Variants in FAT3 observed in about 807,000 individuals in gnomAD.
FAT3 encodes FAT atypical cadherin 3.
FAT3 carries 95 observed loss-of-function variants against 310.2 expected under a neutral mutation model. The observed-to-expected ratio is 0.31, with a 90% CI of 0.26 to 0.36. The LOEUF is 0.36. Among genes scored for constraint, FAT3 ranks in the 10% least tolerant of loss-of-function variants. The probability of loss-of-function intolerance (pLI) is 1.00; values close to 1 mark genes in which losing one functional copy is unlikely to be tolerated. For missense variants in FAT3, 5,408 were observed against 5,715.6 expected, an observed-to-expected ratio of 0.95 and a Z score of 1.74; for synonymous variants, 2,314 against 2,192.9, an observed-to-expected ratio of 1.06 and a Z score of -1.54.
chr11:92,324,747 A>G (rs1292938732), intron 1 of FAT3, among the ~76,000 whole-genome samples: 1 of 152,224 alleles, frequency 6.6e-6, no homozygotes, highest in Non-Finnish European at 1.5e-5. Flanking sequence ...TCAATTTATA[A>G]AAACATAATC....
At chr11:92,418,939 G>A (rs890341682) in intron 2 of FAT3, among the ~76,000 whole-genome samples, 8 of 152,092 alleles carry the variant, frequency 5.3e-5, no homozygotes, top group Non-Finnish European at 1.0e-4. Flanking sequence ...GGCCTGGAGA[G>A]AAAACATTTT....
intron 19 of FAT3, among the ~76,000 whole-genome samples, chr11:92,852,158 A>G (rs998780760): frequency 2.0e-5 from 3 of 152,226 alleles, no homozygotes; most frequent in Admixed American, 2.0e-4. Flanking sequence ...CAGGGTTGGC[A>G]TACAAAGGTT....
At chr11:92,760,128 T>A (rs1316711654) in intron 4 of FAT3, among the ~76,000 whole-genome samples, 1 of 152,198 alleles carries the variant, frequency 6.6e-6, no homozygotes, top group Non-Finnish European at 1.5e-5. Flanking sequence ...CCTTGGCACA[T>A]TTTGGTCCCA....
At chr11:92,684,297 A>G (rs1214220810) in intron 3 of FAT3, among the ~76,000 whole-genome samples, 1 of 152,194 alleles carries the variant, frequency 6.6e-6, no homozygotes, top group Non-Finnish European at 1.5e-5. Flanking sequence ...TTTTGCACCT[A>G]TTCTCCTGGG....
rs766927070 is a variant in FAT3, at chr11:92,526,575, G to GA, written c.3607+1633dup. On this transcript the variant is annotated intron_variant, in intron 3 of 27. Transcript: ENST00000525166. ...CTCATCCTTTACTTAGGAATGAATA[G>GA]AAAAAATAACTGTCACAGGGAAGAG... Among the ~76,000 whole-genome samples the GA allele has an allele frequency of 6.4e-4, 97 of 152,212 alleles. 1 individual carries two copies. Among genetic ancestry groups the GA allele is most frequent in the Admixed American group, 3.2e-3 (49 of 15,292 alleles).
At chr11:92,237,007 A>T (rs576858059) in intron 1 of FAT3, among the ~76,000 whole-genome samples, 1 of 148,112 alleles carries the variant, frequency 6.8e-6, no homozygotes, top group Non-Finnish European at 1.5e-5. Context: ...CTATTAACTC[A>T]TGAGGCCTGC....
intron 2 of FAT3, among the ~76,000 whole-genome samples, chr11:92,425,076 C>T (rs1950601524): frequency 1.3e-5 from 2 of 152,088 alleles, no homozygotes; most frequent in African/African-American, 4.8e-5. Context: ...ATGGATGTGT[C>T]ACATTTAACT....
At chr11:92,715,033 A>T (rs1434684858) in intron 4 of FAT3, among the ~76,000 whole-genome samples, 1 of 151,886 alleles carries the variant, frequency 6.6e-6, no homozygotes, top group Non-Finnish European at 1.5e-5. Flanking sequence ...TGGATTTGGG[A>T]CTTATGAGGA....
intron 4 of FAT3, among the ~76,000 whole-genome samples, chr11:92,731,699 T>TA (rs1555132595): frequency 1.7e-5 from 2 of 115,280 alleles, no homozygotes; most frequent in Admixed American, 1.7e-4. Flanking sequence ...TTCATTCTCT[T>TA]GGGAAAAAAA....
intron 4 of FAT3, among the ~76,000 whole-genome samples, chr11:92,722,697 T>A (rs1016643590): frequency 3.9e-5 from 6 of 152,156 alleles, no homozygotes; most frequent in African/African-American, 1.4e-4. Flanking sequence ...TTTCTCTATA[T>A]CTTCTGAAAT....
At chr11:92,826,236 C>T (rs1357002339) in intron 13 of FAT3, among the ~76,000 whole-genome samples, 2 of 152,200 alleles carry the variant, frequency 1.3e-5, no homozygotes, top group Admixed American at 1.3e-4. Flanking sequence ...AATGCAGTGA[C>T]ATAGTCAAGA....
At chr11:92,709,521 G>T (rs1452290371) in intron 4 of FAT3, among the ~76,000 whole-genome samples, 1 of 152,168 alleles carries the variant, frequency 6.6e-6, no homozygotes, top group Non-Finnish European at 1.5e-5. Flanking sequence ...TTTAGTGAAG[G>T]TCACCCGTAG....
At chr11:92,357,521 C>A (rs753960215) in intron 2 of FAT3, among the ~76,000 whole-genome samples, 1 of 152,142 alleles carries the variant, frequency 6.6e-6, no homozygotes, top group Non-Finnish European at 1.5e-5. Context: ...CATTGATTAA[C>A]CTTCCTGTTT....
intron 4 of FAT3, among the ~76,000 whole-genome samples, chr11:92,710,472 C>A (rs1944486923): frequency 6.6e-6 from 1 of 152,178 alleles, no homozygotes; most frequent in South Asian, 2.1e-4. Context: ...AGAAAGGCTG[C>A]AGTCAAATTT....
chr11:92,834,853 C>A lies in FAT3; in HGVS notation c.9872-17C>A. On this transcript the variant is annotated splice_polypyrimidine_tract_variant and intron_variant, in intron 14 of 27. Coordinates refer to ENST00000525166, the MANE Select transcript of FAT3 (RefSeq NM_001367949.2). The stretch of plus-strand genomic sequence containing the variant: ...TTTTTCCTAATGAAATATAAAGCTC[C>A]CCATTTTTCTTCAAAGGGGGTATTT... 2 of 1,577,090 alleles carry A rather than the reference C, an allele frequency of 1.3e-6. No individual in the cohort carries two copies. Among genetic ancestry groups the A allele is most frequent in the Non-Finnish European group, 1.7e-6 (2 of 1,157,046 alleles).
chr11:92,777,244 G>C (rs2136123671), intron 7 of FAT3, among the ~76,000 whole-genome samples: 1 of 152,156 alleles, frequency 6.6e-6, no homozygotes, highest in South Asian at 2.1e-4. Flanking sequence ...TATGACATGG[G>C]GTTCAAGTCA....
chr11:92,625,537 C>T (rs937699887), intron 3 of FAT3, among the ~76,000 whole-genome samples: 1 of 152,196 alleles, frequency 6.6e-6, no homozygotes, highest in Admixed American at 6.5e-5. Flanking sequence ...AGCTGGAGCA[C>T]CCAACAAAGC....
rs561373075 is a variant in FAT3 at position 92,313,352 on chromosome 11, G to C, written c.-17-38744G>C. ...TCCACCACTTCACAATAACCCACAA[G>C]CCTCATTCCTTAACCACATTCACTT... On this transcript the variant is annotated intron_variant, in intron 1 of 27. Coordinates refer to ENST00000525166, the MANE Select transcript of FAT3 (RefSeq NM_001367949.2). 4.6e-5 allele frequency among the ~76,000 whole-genome samples: 7 copies of C among 152,186 alleles called. No individual in the cohort carries two copies. The East Asian group carries it at 1.4e-3, about 29-fold the overall frequency.
chr11:92,347,453 C>T (rs1488662572), intron 1 of FAT3, among the ~76,000 whole-genome samples: 1 of 152,100 alleles, frequency 6.6e-6, no homozygotes, highest in Non-Finnish European at 1.5e-5. Flanking sequence ...TTTTAAAATA[C>T]CTTTGGTAGT....
Sources: gnomAD v4.1 joint callset for allele counts (sites outside exome capture counted in the v4.1 genomes callset) on GRCh38, gnomAD v4.1.1 for gene constraint, MANE v1.5 for transcripts, NCBI Gene and HGNC (gene_info 2026-07-23, HGNC 2026-07-21) for gene names.